ADGRL3: variants seen among roughly 807,000 people sequenced by gnomAD.
ADGRL3 encodes the protein adhesion G protein-coupled receptor L3.
Under a neutral mutation model 153.5 loss-of-function variants are expected in ADGRL3, and 62 were observed. That is an observed-to-expected ratio of 0.40 (90% CI 0.33 to 0.50). The LOEUF is 0.50. Among genes scored for constraint, ADGRL3 ranks in the 20% least tolerant of loss-of-function variants. ADGRL3 has a pLI of 0.47. For synonymous variants in ADGRL3, 710 were observed against 672.5 expected, an observed-to-expected ratio of 1.06 and a Z score of -0.86; for missense variants, 1,641 against 1,859.4, an observed-to-expected ratio of 0.88 and a Z score of 2.16.
At chr4:61,249,706 G>A (rs896960749) in intron 1 of ADGRL3, among the ~76,000 whole-genome samples, 2 of 152,154 alleles carry the variant, frequency 1.3e-5, no homozygotes, top group African/African-American at 2.4e-5. Flanking sequence ...TTTTAACTGA[G>A]TGTATTGCCC....
chr4:61,915,874 A>C (rs2149897125), intron 13 of ADGRL3, among the ~76,000 whole-genome samples: 1 of 152,240 alleles, frequency 6.6e-6, no homozygotes, highest in African/African-American at 2.4e-5. Context: ...TTAGGCATTA[A>C]ATTTGAAATA....
At chr4:61,362,875 T>G (rs529378149) in intron 1 of ADGRL3, among the ~76,000 whole-genome samples, 1 of 152,280 alleles carries the variant, frequency 6.6e-6, no homozygotes, top group Non-Finnish European at 1.5e-5. Context: ...AAAAAAACCT[T>G]CTGATCACTT....
At chr4:62,023,027 A>G (rs1195600035) in intron 21 of ADGRL3, among the ~76,000 whole-genome samples, 1 of 33,432 alleles carries the variant, frequency 3.0e-5, no homozygotes, top group African/African-American at 4.9e-5. Flanking sequence ...GGATCTGGAC[A>G]AACTAAATTG....
intron 6 of ADGRL3, among the ~76,000 whole-genome samples, chr4:61,705,541 A>T (rs1191436870): frequency 6.6e-6 from 1 of 151,306 alleles, no homozygotes; most frequent in East Asian, 1.9e-4. Flanking sequence ...TCTGTTGCCA[A>T]GGCTGGAGTG....
intron 13 of ADGRL3, among the ~76,000 whole-genome samples, chr4:61,922,053 A>G (rs1162631211): frequency 6.6e-6 from 1 of 152,224 alleles, no homozygotes; most frequent in African/African-American, 2.4e-5. Flanking sequence ...GTATTGACTT[A>G]GAAAGATAGA....
At chr4:61,990,278 G>T (rs961591308) in intron 19 of ADGRL3, among the ~76,000 whole-genome samples, 1 of 151,898 alleles carries the variant, frequency 6.6e-6, no homozygotes, top group Non-Finnish European at 1.5e-5. Flanking sequence ...ACTAAAGCCA[G>T]TTATAAAAGA....
At chr4:61,980,687 C>G (rs761595706) in intron 18 of ADGRL3, among the ~76,000 whole-genome samples, 2 of 152,090 alleles carry the variant, frequency 1.3e-5, no homozygotes, top group African/African-American at 4.8e-5. Context: ...TCGATCCACC[C>G]GCCTCAGCCT....
Position 61,610,306 on chromosome 4 carries a change from T to G in ADGRL3, c.473+22866T>G, listed in dbSNP as rs556057260. 2.6e-5 allele frequency among the ~76,000 whole-genome samples: 4 copies of G among 152,232 alleles called. No homozygotes were observed. The East Asian group carries it at 5.8e-4, about 22-fold the overall frequency. The stretch of plus-strand genomic sequence containing the variant: ...ACCCATTCTTAATTTTAAACTTATG[T>G]GCGTAATGCATTGTTTCTTCATCTC... On this transcript the variant is annotated intron_variant, in intron 5 of 26. Coordinates refer to ENST00000683033, the MANE Select transcript of ADGRL3 (RefSeq NM_001387552.1).
rs151036830 is a variant in ADGRL3, at chr4:61,237,171, T to C, written c.-240+35406T>C. On this transcript the variant is annotated intron_variant, in intron 1 of 26. Coordinates refer to ENST00000683033, the MANE Select transcript of ADGRL3 (RefSeq NM_001387552.1). ...GTAGTTAGCAATGAGATTCTGAAAATGCTAGGAATCTTCACATTTTCCAAC... is the reference window on the plus strand; with the variant it reads ...GTAGTTAGCAATGAGATTCTGAAAACGCTAGGAATCTTCACATTTTCCAAC... 2.8e-3 allele frequency among the ~76,000 whole-genome samples: 430 copies of C among 152,298 alleles called. 4 individuals carry two copies. The highest frequency in any genetic ancestry group is 6.2e-3 in the South Asian group (30 of 4,820).
intron 1 of ADGRL3, among the ~76,000 whole-genome samples, chr4:61,327,971 A>G (rs2095497600): frequency 6.6e-6 from 1 of 152,126 alleles, no homozygotes; most frequent in African/African-American, 2.4e-5. Context: ...ATTTCAAGGA[A>G]TTGGCAGTGA....
intron 1 of ADGRL3, among the ~76,000 whole-genome samples, chr4:61,248,038 C>A (rs903798638): frequency 6.6e-6 from 1 of 152,046 alleles, no homozygotes; most frequent in African/African-American, 2.4e-5. Flanking sequence ...CTCTAGATAT[C>A]CCTGTACAAG....
At chr4:61,746,589 A>G (rs991405684) in intron 8 of ADGRL3, among the ~76,000 whole-genome samples, 5 of 152,168 alleles carry the variant, frequency 3.3e-5, no homozygotes, top group African/African-American at 7.2e-5. Context: ...AAACTGAACA[A>G]CCTGCTCCTG....
rs34199193 is a variant in ADGRL3 at position 61,353,600 on chromosome 4, ATTTTT to A, written c.-239-29507_-239-29503del. On this transcript the variant is annotated intron_variant, in intron 1 of 26. Transcript: ENST00000683033. ...CACACCTGGCTAATTTTTTCTTTCA[ATTTTT>A]TTTTTTTTTTTTTTTTGTAGAAACG... 7.6e-4 allele frequency among the ~76,000 whole-genome samples: 90 copies of A among 118,836 alleles called. 2 individuals carry two copies. In the East Asian group the frequency reaches 0.012, roughly 15 times the overall value. The allele number at this position is 118,836 out of a possible 152,430, so 78.0% of individuals were successfully genotyped here.
At chr4:61,297,525 C>T (rs7666117) in intron 1 of ADGRL3, among the ~76,000 whole-genome samples, 5,071 of 151,886 alleles carry the variant, frequency 0.033, 106 homozygotes, top group South Asian at 0.043. Flanking sequence ...CTTGAATTTC[C>T]GTAAAGTTTT....
At position 61,319,054 on chromosome 4, in the gene ADGRL3, T is replaced by C. The variant is rs115425067; in HGVS notation, c.-239-64070T>C. ...AAGATACTAATTGGCTTGTTCAAGA[T>C]GACAACTGGTGAATGGTGTCATTAA... On this transcript the variant is annotated intron_variant, in intron 1 of 26. Transcript: ENST00000683033. Among the ~76,000 whole-genome samples, 353 of 152,312 alleles carry C rather than the reference T, an allele frequency of 2.3e-3. 1 individual carries two copies. Among genetic ancestry groups the C allele is most frequent in the African/African-American group, 6.4e-3 (264 of 41,570 alleles).
chr4:61,953,269 T>C (rs1264107167), intron 17 of ADGRL3, among the ~76,000 whole-genome samples: 1 of 152,160 alleles, frequency 6.6e-6, no homozygotes, highest in African/African-American at 2.4e-5. Flanking sequence ...AAAATTATAT[T>C]GGAAAATTTT....
chr4:61,783,622 ATACTT>A (rs1460738142), intron 8 of ADGRL3, among the ~76,000 whole-genome samples: 1 of 152,062 alleles, frequency 6.6e-6, no homozygotes, highest in Non-Finnish European at 1.5e-5. Context: ...GATATGCAAA[ATACTT>A]TACTGAAAGC....
At chr4:61,882,698 A>G (rs547191975) in intron 9 of ADGRL3, among the ~76,000 whole-genome samples, 2 of 152,176 alleles carry the variant, frequency 1.3e-5, no homozygotes, top group East Asian at 1.9e-4. Flanking sequence ...CACTGTGTCT[A>G]GACCTTTGCA....
intron 4 of ADGRL3, among the ~76,000 whole-genome samples, chr4:61,531,976 T>A (rs187274888): frequency 1.8e-4 from 27 of 152,326 alleles, no homozygotes; most frequent in African/African-American, 6.5e-4. Context: ...GCATATAAAA[T>A]AAGGAAAGGA....
Sources: allele counts gnomAD v4.1 joint callset (sites outside exome capture counted in the v4.1 genomes callset), GRCh38; gene constraint gnomAD v4.1.1; transcripts MANE v1.5; gene names NCBI Gene and HGNC (gene_info 2026-07-23, HGNC 2026-07-21).